The following NHEJ1 variants were observed in gnomAD, a reference collection of about 807,000 sequenced individuals.
NHEJ1 encodes non-homologous end-joining factor 1.
Under a neutral mutation model 39.4 loss-of-function variants are expected in NHEJ1, and 22 were observed. The ratio of observed to expected loss-of-function variants is 0.56; its 90% CI spans 0.40 to 0.80. NHEJ1 has a LOEUF of 0.80. Ranked by LOEUF, NHEJ1 falls within the 30% of genes least tolerant of loss-of-function variation. NHEJ1 has a pLI of 0.00. For missense variants in NHEJ1, 329 were observed against 357.1 expected, an observed-to-expected ratio of 0.92 and a Z score of 0.63; for synonymous variants, 154 against 135.6, an observed-to-expected ratio of 1.14 and a Z score of -0.94.
intron 5 of NHEJ1, 51 bp from the exon 6 acceptor site, chr2:219,078,257 G>A (rs942375547): frequency 6.9e-7 from 1 of 1,453,094 alleles, no homozygotes; most frequent in Non-Finnish European, 9.7e-7. Flanking sequence ...TGCTAGAGAA[G>A]CGATCTAATA....
rs75343296 is a variant in NHEJ1, at chr2:219,081,510, T to C, written c.589-3304A>G. 9.2e-5 allele frequency among the ~76,000 whole-genome samples: 14 copies of C among 152,320 alleles called. No homozygotes were observed. The East Asian group carries it at 2.7e-3, about 29-fold the overall frequency. ...CATCTGATTAACCCAGAATCAATTC[T>C]AGTAAGCAAAAAAGTTACTGAGAGT... On this transcript the variant is annotated intron_variant, in intron 5 of 7. Coordinates refer to ENST00000356853, the MANE Select transcript of NHEJ1 (RefSeq NM_024782.3).
intron 3 of NHEJ1, among the ~76,000 whole-genome samples, chr2:219,152,558 A>C (rs1181542678): frequency 1.3e-5 from 2 of 152,174 alleles, no homozygotes; most frequent in Non-Finnish European, 1.5e-5. Flanking sequence ...TCCTGGGCTC[A>C]AGTGATTCTC....
intron 5 of NHEJ1, among the ~76,000 whole-genome samples, chr2:219,132,810 C>T (rs548008996): frequency 3.9e-5 from 6 of 152,228 alleles, no homozygotes; most frequent in African/African-American, 1.2e-4. Flanking sequence ...TCCATTTCTT[C>T]CTCCTCTCAG....
chr2:219,107,301 T>G (rs147723864), intron 5 of NHEJ1, among the ~76,000 whole-genome samples: 132 of 152,260 alleles, frequency 8.7e-4, no homozygotes, highest in African/African-American at 3.1e-3. Context: ...AGAAATCGAT[T>G]GATTGAAACC....
At chr2:219,133,854 A>G (rs962911512) in intron 5 of NHEJ1, among the ~76,000 whole-genome samples, 5 of 152,192 alleles carry the variant, frequency 3.3e-5, no homozygotes, top group Non-Finnish European at 5.9e-5. Flanking sequence ...AATCCCACAG[A>G]AAGAACTAAT....
chr2:219,122,580 G>T (rs1203723206), intron 5 of NHEJ1, among the ~76,000 whole-genome samples: 1 of 152,164 alleles, frequency 6.6e-6, no homozygotes, highest in African/African-American at 2.4e-5. Flanking sequence ...ACTCCACTAA[G>T]TTGTCAGACC....
At chr2:219,153,636 T>G (rs970226959) in intron 3 of NHEJ1, among the ~76,000 whole-genome samples, 1 of 120,672 alleles carries the variant, frequency 8.3e-6, no homozygotes, top group Non-Finnish European at 1.6e-5. Flanking sequence ...GCTGAGGAAT[T>G]CAAGACCAAC....
At chr2:219,122,238 C>T (rs1949478256) in intron 5 of NHEJ1, among the ~76,000 whole-genome samples, 1 of 152,188 alleles carries the variant, frequency 6.6e-6, no homozygotes, top group Admixed American at 6.5e-5. Context: ...TAGATCCACG[C>T]ACCTTTCAAG....
intron 5 of NHEJ1, among the ~76,000 whole-genome samples, chr2:219,098,918 G>A (rs1339634457): frequency 6.6e-6 from 1 of 152,148 alleles, no homozygotes; most frequent in Admixed American, 6.5e-5. Context: ...CACAAGAAAT[G>A]GGCAATAAAA....
chr2:219,140,520 A>T (rs1429013412), intron 5 of NHEJ1, among the ~76,000 whole-genome samples: 3 of 152,154 alleles, frequency 2.0e-5, no homozygotes, highest in Non-Finnish European at 4.4e-5. Context: ...GCATAGTTTT[A>T]AGGTAAAGCC....
chr2:219,094,538 A>T (rs976862393), intron 5 of NHEJ1, among the ~76,000 whole-genome samples: 2 of 152,138 alleles, frequency 1.3e-5, no homozygotes, highest in Admixed American at 6.5e-5. Context: ...GAATCTCTTC[A>T]TCCCTGTCCT....
chr2:219,112,862 T>C (rs1332997894), intron 5 of NHEJ1, among the ~76,000 whole-genome samples: 2 of 152,132 alleles, frequency 1.3e-5, no homozygotes, highest in African/African-American at 4.8e-5. Context: ...CATCTCCATA[T>C]GATAGGACAT....
intron 5 of NHEJ1, chr2:219,124,717 T>C (rs1192741603): frequency 6.6e-6 from 1 of 151,622 alleles, no homozygotes; most frequent in African/African-American, 2.4e-5. Context: ...ACAACACTCT[T>C]TAACATTTTA....
chr2:219,128,612 C>T (rs994874730), intron 5 of NHEJ1, among the ~76,000 whole-genome samples: 5 of 152,196 alleles, frequency 3.3e-5, no homozygotes, highest in East Asian at 3.9e-4. Flanking sequence ...CATCCAAGCA[C>T]GCGACTTCCA....
intron 5 of NHEJ1, among the ~76,000 whole-genome samples, chr2:219,131,705 TAA>T (rs1403582268): frequency 2.6e-5 from 4 of 152,254 alleles, no homozygotes; most frequent in Non-Finnish European, 4.4e-5. Flanking sequence ...ATTAATTACA[TAA>T]AAGTTTTTCT....
At chr2:219,134,131 G>A (rs1326440525) in intron 5 of NHEJ1, among the ~76,000 whole-genome samples, 6 of 152,156 alleles carry the variant, frequency 3.9e-5, no homozygotes, top group Non-Finnish European at 8.8e-5. Context: ...GCTTTCTTCT[G>A]ATATTGCCCA....
intron 5 of NHEJ1, among the ~76,000 whole-genome samples, chr2:219,089,066 G>A (rs1349551927): frequency 6.6e-6 from 1 of 152,098 alleles, no homozygotes; most frequent in East Asian, 1.9e-4. Flanking sequence ...TGATCCGCCC[G>A]CCTCAGCCTC....
At chr2:219,123,580 T>C (rs973962000) in intron 5 of NHEJ1, among the ~76,000 whole-genome samples, 1 of 152,162 alleles carries the variant, frequency 6.6e-6, no homozygotes, top group African/African-American at 2.4e-5. Flanking sequence ...ATGACAGAAC[T>C]ATTAAAAGGA....
chr2:219,137,537 T>A (rs183878429), intron 5 of NHEJ1, among the ~76,000 whole-genome samples: 2 of 76,066 alleles, frequency 2.6e-5, no homozygotes, highest in Non-Finnish European at 5.4e-5. Flanking sequence ...TCGTTAACAA[T>A]TGAACTAAAT....
Sources: allele counts gnomAD v4.1 joint callset (sites outside exome capture counted in the v4.1 genomes callset), GRCh38; gene constraint gnomAD v4.1.1; transcripts MANE v1.5; gene names NCBI Gene and HGNC (gene_info 2026-07-23, HGNC 2026-07-21).